The following TBX20 variants were observed in gnomAD, a reference collection of about 807,000 sequenced individuals.
TBX20 encodes the protein T-box transcription factor TBX20.
A neutral mutation model predicts 42.9 loss-of-function variants in TBX20; 8 were observed. That is an observed-to-expected ratio of 0.19 (90% confidence interval 0.11 to 0.34). The LOEUF (loss-of-function observed/expected upper bound fraction) is 0.34. Among genes scored for constraint, TBX20 ranks in the 10% least tolerant of loss-of-function variants. The pLI is 1.00. For synonymous variants in TBX20, 198 were observed against 222.8 expected (o/e 0.89, Z 0.99); for missense variants, 411 against 566.0 (o/e 0.73, Z 2.78).
At chr7:35,213,528 C>T (rs993482992) in intron 6 of TBX20, among the ~76,000 whole-genome samples, 17 of 152,130 alleles carry the variant, frequency 1.1e-4, no homozygotes, top group African/African-American at 4.1e-4. Context: ...TATGATAACC[C>T]ATCAATGAAC....
At chr7:35,227,887 G>C (rs1425774632) in intron 6 of TBX20, among the ~76,000 whole-genome samples, 1 of 152,106 alleles carries the variant, frequency 6.6e-6, no homozygotes, top group Non-Finnish European at 1.5e-5. Context: ...GGATAGCAGT[G>C]ATGGTTATGT....
chr7:35,246,881 A>C (rs1790199403), intron 3 of TBX20, among the ~76,000 whole-genome samples: 1 of 152,062 alleles, frequency 6.6e-6, no homozygotes, highest in South Asian at 2.1e-4. Flanking sequence ...ATTTAATATC[A>C]ATCTAAAAAA....
intron 1 of TBX20, 55 bp from the exon 2 acceptor site, chr7:35,250,258 C>G: frequency 7.1e-6 from 11 of 1,543,232 alleles, no homozygotes; most frequent in Non-Finnish European, 9.5e-6. Flanking sequence ...AAGGAAAGAT[C>G]TGGAAAGAAC....
At chr7:35,209,601 T>A (rs754390816) in intron 6 of TBX20, among the ~76,000 whole-genome samples, 8 of 152,162 alleles carry the variant, frequency 5.3e-5, no homozygotes, top group Middle Eastern at 3.2e-3. Context: ...ATTTTATTAA[T>A]CTCTACTTTT....
chr7:35,239,718 G>T (rs1370809341), intron 5 of TBX20, among the ~76,000 whole-genome samples: 3 of 152,056 alleles, frequency 2.0e-5, no homozygotes, highest in Non-Finnish European at 2.9e-5. Flanking sequence ...AAGCCCTATG[G>T]ATGAAGAAAT....
chr7:35,208,455 A>T (rs1789436449), intron 6 of TBX20, among the ~76,000 whole-genome samples: 1 of 152,190 alleles, frequency 6.6e-6, no homozygotes, highest in African/African-American at 2.4e-5. Flanking sequence ...AGCAGTGGTA[A>T]GAATGGGCCA....
chr7:35,231,049 T>C (rs1245768943), intron 6 of TBX20, among the ~76,000 whole-genome samples: 1 of 152,306 alleles, frequency 6.6e-6, no homozygotes, highest in Non-Finnish European at 1.5e-5. Context: ...GTCTACTACA[T>C]TGGTAAAATT....
At chr7:35,215,891 C>G (rs1789580926) in intron 6 of TBX20, among the ~76,000 whole-genome samples, 1 of 152,192 alleles carries the variant, frequency 6.6e-6, no homozygotes, top group Non-Finnish European at 1.5e-5. Context: ...TCTAGACAAG[C>G]AAAACCTGCA....
At chr7:35,210,706 T>C (rs1169989293) in intron 6 of TBX20, among the ~76,000 whole-genome samples, 2 of 152,206 alleles carry the variant, frequency 1.3e-5, no homozygotes, top group African/African-American at 4.8e-5. Context: ...TTGATATTAA[T>C]ACAACTCTTA....
At position 35,250,077 on chromosome 7, in the gene TBX20, A is replaced by G; in HGVS notation, c.254T>C (p.Leu85Pro). The G allele has an allele frequency of 1.2e-6, 2 of 1,613,954 alleles. No individual in the cohort carries two copies. The highest frequency in any genetic ancestry group is 1.7e-6 in the Non-Finnish European group (2 of 1,179,950). Residue 85 changes from leucine to proline, a missense_variant, in exon 2 of 8, where the codon CTG becomes CCG. Leu to Pro is a moderately conservative substitution (Grantham distance 98). Coordinates refer to ENST00000408931, the MANE Select transcript of TBX20 (RefSeq NM_001077653.2). ...GGGGATGATGGGGGTGGTGGGGATC[A>G]GTGGCTCAGTGCACAGAGAGGAGGA... ...PSSSSLCTEP[L>P]IPTTPIIPSE...
chr7:35,230,776 G>T (rs1789853140), intron 6 of TBX20, among the ~76,000 whole-genome samples: 1 of 152,108 alleles, frequency 6.6e-6, no homozygotes, highest in Admixed American at 6.6e-5. Flanking sequence ...TAAGACATTG[G>T]ACCACATAAA....
rs1789342386 is a variant in TBX20, at chr7:35,203,522, A to G, written c.1004-752T>C. On this transcript the variant is annotated intron_variant, in intron 7 of 7. Transcript: ENST00000408931. ...GGAATAGTAAATATATTTCCTTTCT[A>G]TGATTTTCTTAATAACTTTTTCTCT... is the stretch of plus-strand genomic sequence containing the variant. Among the ~76,000 whole-genome samples the G allele has an allele frequency of 2.0e-5, 3 of 152,224 alleles. No individual in the cohort carries two copies. In the South Asian group the frequency reaches 6.2e-4, roughly 32 times the overall value.
chr7:35,238,598 G>A (rs926923816), intron 5 of TBX20, among the ~76,000 whole-genome samples: 5 of 152,118 alleles, frequency 3.3e-5, no homozygotes, highest in African/African-American at 1.2e-4. Flanking sequence ...GAATGTTTTC[G>A]GAATCTTTTT....
At chr7:35,245,319 G>GTGTGTGTGT (rs3219698) in intron 3 of TBX20, among the ~76,000 whole-genome samples, 9 of 146,498 alleles carry the variant, frequency 6.1e-5, no homozygotes, top group African/African-American at 2.3e-4. Flanking sequence ...TGTTTAAAGG[G>GTGTGTGTGT]GTGTGTGTGT....
intron 6 of TBX20, among the ~76,000 whole-genome samples, chr7:35,225,578 C>T (rs1466335181): frequency 2.0e-5 from 3 of 152,294 alleles, no homozygotes; most frequent in African/African-American, 4.8e-5. Flanking sequence ...CTGTGCAGAA[C>T]GTACAAACTC....
intron 5 of TBX20, among the ~76,000 whole-genome samples, chr7:35,236,938 C>T (rs113606333): frequency 6.6e-6 from 1 of 152,152 alleles, no homozygotes; most frequent in Non-Finnish European, 1.5e-5. Context: ...AGAAATAAAC[C>T]TTGCCAAAGG....
Position 35,202,742 on chromosome 7 carries a change from C to A in TBX20, c.1032G>T (p.Leu344Phe). ...AAGATGATACCCAGGAGCTGAGAGA[C>A]AAATTATCAGATGTTGTAAAGGCTG... Reference protein sequence around the residue: ...RGSAFTTSDNLSLSSWVSSSS... With the variant: ...RGSAFTTSDNFSLSSWVSSSS... Residue 344 changes from leucine (L) to phenylalanine (F), a missense_variant, in exon 8 of 8, where the codon TTG becomes TTT. Leu to Phe is a conservative substitution (Grantham distance 22). This residue lies in a region of TBX20 where 162 missense variants were observed against 205.4 expected (regional missense o/e 0.79). Transcript: ENST00000408931. 6.4e-7 allele frequency: 1 copy of A among 1,565,694 alleles called. No homozygotes were observed. The highest frequency in any genetic ancestry group is 8.7e-7 in the Non-Finnish European group (1 of 1,155,296).
intron 6 of TBX20, among the ~76,000 whole-genome samples, chr7:35,212,929 T>C (rs10265862): frequency 0.028 from 4,202 of 152,280 alleles, 69 homozygotes; most frequent in Non-Finnish European, 0.044. Context: ...GAGTGCTTTT[T>C]CCATGCAGCT....
At chr7:35,211,223 T>C (rs1467961272) in intron 6 of TBX20, among the ~76,000 whole-genome samples, 6 of 152,078 alleles carry the variant, frequency 3.9e-5, no homozygotes, top group Non-Finnish European at 5.9e-5. Flanking sequence ...ATAAACTCCA[T>C]TCTAATTATT....
Sources: allele counts gnomAD v4.1 joint callset (sites outside exome capture counted in the v4.1 genomes callset), GRCh38; gene constraint gnomAD v4.1.1; regional missense constraint gnomAD v4.1.1; transcripts MANE v1.5; gene names NCBI Gene and HGNC (gene_info 2026-07-23, HGNC 2026-07-21).